CFTR: variants seen among roughly 807,000 people sequenced by gnomAD.
The protein encoded by CFTR is cystic fibrosis transmembrane conductance regulator.
In CFTR, 181 loss-of-function variants were observed where a neutral mutation model predicts 171.6. The observed-to-expected ratio is 1.05, with a 90% CI of 0.93 to 1.19. The LOEUF (loss-of-function observed/expected upper bound fraction) is 1.19, where lower values mean the gene tolerates loss of function less well. Ranked by LOEUF, CFTR falls within the 50% of genes most tolerant of loss-of-function variation. CFTR has a pLI of 0.00. For missense variants in CFTR, 1,968 were observed against 1,734.7 expected (o/e 1.13, Z -2.39); for synonymous variants, 583 against 608.0 (o/e 0.96, Z 0.60).
Position 117,535,256 on chromosome 7 carries a change from A to G in CFTR, c.588A>G (p.Ala196=), listed in dbSNP as rs749896021. ...GTGCTTTTATTTTCCAGGGACTTGC[A>G]TTGGCACATTTCGTGTGGATCGCTC... ...NNLNKFDEGL[A]LAHFVWIAPL... The change falls in exon 6 of 27, where the codon GCA becomes GCG. Residue 196 remains alanine, a synonymous_variant. Transcript: ENST00000003084. 2.5e-6 allele frequency: 4 copies of G among 1,614,124 alleles called. No homozygotes were observed. Among genetic ancestry groups the G allele is most frequent in the East Asian group, 4.5e-5 (2 of 44,868 alleles).
At position 117,590,436 on chromosome 7, in the gene CFTR, A is replaced by G. The variant is rs397508297; in HGVS notation, c.1763A>G (p.Glu588Gly). The G allele has an allele frequency of 1.9e-6, 3 of 1,600,896 alleles. No homozygotes were observed. The highest frequency in any genetic ancestry group is 3.4e-5 in the Admixed American group (2 of 59,602). The change falls in exon 13 of 27, where the codon GAA (glutamate) becomes GGA (glycine). Residue 588 changes from glutamate to glycine, a missense_variant. Glu to Gly is a moderately conservative substitution (Grantham distance 98). Transcript: ENST00000003084. ...GTTTTAACAGAAAAAGAAATATTTG[A>G]AAGGTATGTTCTTTGAATACCTTAC... is the stretch of plus-strand genomic sequence containing the variant. Reference protein sequence around the residue: ...LDVLTEKEIFESCVCKLMANK... With the variant: ...LDVLTEKEIFGSCVCKLMANK...
chr7:117,547,342 C>A (rs2115897988), intron 9 of CFTR, among the ~76,000 whole-genome samples: 1 of 152,120 alleles, frequency 6.6e-6, no homozygotes, highest in Non-Finnish European at 1.5e-5. Context: ...ACATGGATTT[C>A]TTCAAAACCC....
At chr7:117,612,375 C>T (rs970653743) in intron 20 of CFTR, among the ~76,000 whole-genome samples, 2 of 151,446 alleles carry the variant, frequency 1.3e-5, no homozygotes, top group Middle Eastern at 3.4e-3. Context: ...AAGACAGTGT[C>T]ACATTTTTCA....
At chr7:117,534,925 T>C (rs1187150215) in intron 5 of CFTR, among the ~76,000 whole-genome samples, 1 of 152,244 alleles carries the variant, frequency 6.6e-6, no homozygotes, top group African/African-American at 2.4e-5. Flanking sequence ...GCTGTGGTTC[T>C]TGCTTTATGC....
chr7:117,584,634 G>A (rs1041021980), intron 11 of CFTR, among the ~76,000 whole-genome samples: 12 of 152,202 alleles, frequency 7.9e-5, no homozygotes, highest in African/African-American at 2.9e-4. Flanking sequence ...TTTTTGCTTA[G>A]TATTCCTTTA....
chr7:117,604,365 A>G (rs1792272960), intron 17 of CFTR, among the ~76,000 whole-genome samples: 3 of 152,310 alleles, frequency 2.0e-5, no homozygotes, highest in Middle Eastern at 6.8e-3. Flanking sequence ...AAAGAAATCA[A>G]TTATGTTGAT....
At chr7:117,615,609 AC>A (rs1458636413) in intron 21 of CFTR, among the ~76,000 whole-genome samples, 5 of 151,784 alleles carry the variant, frequency 3.3e-5, no homozygotes, top group Middle Eastern at 3.4e-3. Flanking sequence ...ATTAGTGTGT[AC>A]AAAGACCACA....
chr7:117,579,885 A>G (rs1225409616), intron 11 of CFTR, among the ~76,000 whole-genome samples: 1 of 151,936 alleles, frequency 6.6e-6, no homozygotes, highest in Admixed American at 6.6e-5. Context: ...GGTTAGATTC[A>G]TGTCTCATAC....
chr7:117,550,902 T>C (rs1274207945), intron 10 of CFTR, among the ~76,000 whole-genome samples: 2 of 152,186 alleles, frequency 1.3e-5, no homozygotes, highest in African/African-American at 4.8e-5. Context: ...GGAGGCTGCC[T>C]TTTAGTAGTA....
rs35199653 is a variant in CFTR at position 117,578,209 on chromosome 7, C to G, written c.1585-9530C>G. On this transcript the variant is annotated intron_variant, in intron 11 of 26. Transcript: ENST00000003084. ...ACGTATTTTTTTTTTCCGTTTCTGA[C>G]ACCCCTAAGGCAACAAGGCCAACTC... 3.7e-3 allele frequency among the ~76,000 whole-genome samples: 556 copies of G among 151,792 alleles called. 4 individuals carry two copies. The highest frequency in any genetic ancestry group is 9.6e-3 in the African/African-American group (399 of 41,426).
chr7:117,545,053 T>G (rs1799116449), intron 9 of CFTR, among the ~76,000 whole-genome samples: 1 of 152,188 alleles, frequency 6.6e-6, no homozygotes, highest in Non-Finnish European at 1.5e-5. Context: ...ATGGGCAATT[T>G]ACAGAAGAAA....
chr7:117,573,887 C>T (rs1374475855), intron 11 of CFTR, among the ~76,000 whole-genome samples: 1 of 152,008 alleles, frequency 6.6e-6, no homozygotes, highest in Non-Finnish European at 1.5e-5. Context: ...TGAATGATTT[C>T]CCACAACAAT....
At chr7:117,572,983 C>T (rs985904220) in intron 11 of CFTR, among the ~76,000 whole-genome samples, 3 of 152,046 alleles carry the variant, frequency 2.0e-5, no homozygotes, top group Non-Finnish European at 4.4e-5. Context: ...CTCAAATGTA[C>T]TCAGTAAATA....
intron 23 of CFTR, among the ~76,000 whole-genome samples, chr7:117,648,520 A>G (rs2116185276): frequency 6.6e-6 from 1 of 152,248 alleles, no homozygotes; most frequent in East Asian, 1.9e-4. Flanking sequence ...TTAAATAAAT[A>G]TCAGATATTT....
Position 117,665,531 on chromosome 7 carries a change from G to A in CFTR, c.4209G>A (p.Arg1403=). The part of the protein sequence containing the change: ...ADCTVILCEH[R]IEAMLECQQF... ...GCACAGTAATTCTCTGTGAACACAG[G>A]ATAGAAGCAATGCTGGAATGCCAAC... The change falls in exon 26 of 27, where the codon AGG becomes AGA. Residue 1403 remains arginine (R), a synonymous_variant. Transcript: ENST00000003084. The A allele has an allele frequency of 6.2e-7, 1 of 1,613,160 alleles. No individual in the cohort carries two copies.
At chr7:117,609,908 T>G (rs917715142) in intron 18 of CFTR, among the ~76,000 whole-genome samples, 4 of 152,064 alleles carry the variant, frequency 2.6e-5, no homozygotes, top group African/African-American at 9.7e-5. Flanking sequence ...CCTAAACAAT[T>G]TTTAAAATTT....
intron 14 of CFTR, among the ~76,000 whole-genome samples, 175 bp from the exon 15 acceptor site, chr7:117,594,755 A>G (rs1792093855): frequency 6.6e-6 from 1 of 152,220 alleles, no homozygotes; most frequent in African/African-American, 2.4e-5. Context: ...TCCAGTAGAC[A>G]TTATTCTGGC....
At chr7:117,508,334 G>A (rs1798456342) in intron 2 of CFTR, among the ~76,000 whole-genome samples, 1 of 152,092 alleles carries the variant, frequency 6.6e-6, no homozygotes, top group Non-Finnish European at 1.5e-5. Context: ...ATCAGCTGGT[G>A]TTCCTATAGT....
chr7:117,574,483 G>A (rs867390925), intron 11 of CFTR, among the ~76,000 whole-genome samples: 3 of 151,996 alleles, frequency 2.0e-5, no homozygotes, highest in Non-Finnish European at 4.4e-5. Flanking sequence ...AGAAAAGGAG[G>A]CCAAATACAT....
Sources: allele counts gnomAD v4.1 joint callset (sites outside exome capture counted in the v4.1 genomes callset), GRCh38; gene constraint gnomAD v4.1.1; transcripts MANE v1.5; gene names NCBI Gene and HGNC (gene_info 2026-07-23, HGNC 2026-07-21).